The following TACR2 variants were observed in gnomAD, a reference collection of about 807,000 sequenced individuals.
TACR2 encodes the protein tachykinin receptor 2, also known as substance-K receptor.
A neutral mutation model predicts 28.9 loss-of-function variants in TACR2; 24 were observed. The ratio of observed to expected loss-of-function variants is 0.83; its 90% CI spans 0.60 to 1.17. The LOEUF (loss-of-function observed/expected upper bound fraction) is 1.17. Ranked by LOEUF, TACR2 falls within the 50% of genes most tolerant of loss-of-function variation. The pLI is 0.00. For synonymous variants in TACR2, 222 were observed against 212.6 expected (o/e 1.04, Z -0.38); for missense variants, 487 against 524.4 (o/e 0.93, Z 0.70).
Position 69,414,972 on chromosome 10 carries a change from T to G in TACR2, c.560A>C (p.Glu187Ala). The change falls in exon 2 of 5, where the codon GAA (glutamate) becomes GCA (alanine). Residue 187 changes from glutamate to alanine, a missense_variant. Transcript: ENST00000373306. ...GATKCVVAWP[E>A]DSGGKTLLLY... is the part of the protein sequence containing the mutation. ...GAGGAGCGTCTTGCCCCCGCTGTCT[T>G]CGGGCCAGGCCACCACGCACTTGGT... is the stretch of plus-strand genomic sequence containing the variant. 1 of 1,612,966 alleles carries G rather than the reference T, an allele frequency of 6.2e-7. No homozygotes were observed. Among genetic ancestry groups the G allele is most frequent in the South Asian group, 1.1e-5 (1 of 91,032 alleles).
At position 69,407,083 on chromosome 10, in the gene TACR2, C is replaced by T. The variant is rs1840508087; in HGVS notation, c.938+1G>A. 4 of 1,613,380 alleles carry T rather than the reference C, an allele frequency of 2.5e-6. No homozygotes were observed. Among genetic ancestry groups the T allele is most frequent in the South Asian group, 1.1e-5 (1 of 91,006 alleles). ...AGGGTGGGGCTGGAGTGGGGGCTCACCTGTGGTTGAGACAGCAGTAGATGA... is the reference window on the plus strand; with the variant it reads ...AGGGTGGGGCTGGAGTGGGGGCTCATCTGTGGTTGAGACAGCAGTAGATGA... On this transcript the variant is annotated splice_donor_variant, in intron 4 of 4. Coordinates refer to ENST00000373306, the MANE Select transcript of TACR2 (RefSeq NM_001057.3). LOFTEE classifies it high-confidence loss of function.
rs200013426 is a variant in TACR2 at position 69,414,996 on chromosome 10, G to A, written c.536C>T (p.Thr179Ile). ...TTCGGGCCAGGCCACCACGCACTTG[G>A]TGGCACCCTGGTCCATGGTGACGGT... ...YSTVTMDQGATKCVVAWPEDS... is the reference protein window; with the variant it reads ...YSTVTMDQGAIKCVVAWPEDS... The change falls in exon 2 of 5, where the codon ACC (threonine) becomes ATC (isoleucine). Residue 179 changes from threonine to isoleucine, a missense_variant. Thr to Ile is a moderately conservative substitution (Grantham distance 89, BLOSUM62 -1). Coordinates refer to ENST00000373306, the MANE Select transcript of TACR2 (RefSeq NM_001057.3). 2.5e-6 allele frequency: 4 copies of A among 1,613,708 alleles called. No individual in the cohort carries two copies. In the African/African-American group the frequency reaches 5.3e-5, roughly 22 times the overall value.
At chr10:69,409,904 CATATATATAT>C (rs10663894) in intron 2 of TACR2, among the ~76,000 whole-genome samples, 5 of 34,674 alleles carry the variant, frequency 1.4e-4, no homozygotes, top group South Asian at 1.1e-3. Flanking sequence ...TATATATATA[CATATATATAT>C]ATATATATAT....
rs540034950 is a variant in TACR2, at chr10:69,416,262, G to C, written c.62C>G (p.Thr21Arg). ...GGGCATGGAGAAGGCTGTGATGCCC[G>C]TGGTGTTGCTCTCAGGGCCAGATGA... ...NISSGPESNTTGITAFSMPSW... is the reference protein window; with the variant it reads ...NISSGPESNTRGITAFSMPSW... The change falls in exon 1 of 5, where the codon ACG (threonine) becomes AGG (arginine). Residue 21 changes from threonine (T) to arginine (R), a missense_variant. By Grantham distance (71) the Thr-to-Arg change is moderately conservative. Transcript: ENST00000373306. 3.1e-6 allele frequency: 5 copies of C among 1,612,932 alleles called. No individual in the cohort carries two copies. The East Asian group carries it at 1.1e-4, about 36-fold the overall frequency.
At position 69,407,571 on chromosome 10, in the gene TACR2, C is replaced by A. The variant is rs187510256; in HGVS notation, c.742-291G>T. The stretch of plus-strand genomic sequence containing the variant: ...CACTTCCTACAAAAGGTGTCTGGGA[C>A]CCCTTCATTCACTGCAGCTCCCCCT... On this transcript the variant is annotated intron_variant, in intron 3 of 4. Coordinates refer to ENST00000373306, the MANE Select transcript of TACR2 (RefSeq NM_001057.3). 4.4e-3 allele frequency among the ~76,000 whole-genome samples: 667 copies of A among 152,350 alleles called. 1 individual carries two copies. Among genetic ancestry groups the A allele is most frequent in the Admixed American group, 8.0e-3 (123 of 15,300 alleles).
rs1187429939 is a variant in TACR2, at chr10:69,408,976, C to CT, written c.686_687insA (p.Pro230AlafsTer106). Reference sequence around the variant, plus strand: ...TGGCACCGTGCGCCTGATGTCCGGGCACTGCGCGCCTCCAGAGCGTGAGGC... The same window carrying CT: ...TGGCACCGTGCGCCTGATGTCCGGGCTACTGCGCGCCTCCAGAGCGTGAGGC... On this transcript the variant is annotated frameshift_variant, in exon 3 of 5. Coordinates refer to ENST00000373306, the MANE Select transcript of TACR2 (RefSeq NM_001057.3). LOFTEE classifies it high-confidence loss of function. 1.9e-6 allele frequency: 3 copies of CT among 1,602,016 alleles called. No homozygotes were observed. Among genetic ancestry groups the CT allele is most frequent in the Non-Finnish European group, 2.5e-6 (3 of 1,176,882 alleles).
chr10:69,413,661 C>T (rs1332339762), intron 2 of TACR2, among the ~76,000 whole-genome samples: 1 of 152,098 alleles, frequency 6.6e-6, no homozygotes, highest in African/African-American at 2.4e-5. Flanking sequence ...GCAGCCTTCT[C>T]CTGGCAGGTG....
rs891243261 is a variant in TACR2 at position 69,416,743 on chromosome 10, C to T, written c.-420G>A. ...TAGGACTCGAACCCAGGTTTCTCGT[C>T]ACGTAATTCAGGAAACCTTCCAGAT... On this transcript the variant is annotated 5_prime_UTR_variant, in exon 1 of 5. Coordinates refer to ENST00000373306, the MANE Select transcript of TACR2 (RefSeq NM_001057.3). 1 of 162,958 alleles carries T rather than the reference C, an allele frequency of 6.1e-6. No individual in the cohort carries two copies. Among genetic ancestry groups the T allele is most frequent in the Non-Finnish European group, 1.3e-5 (1 of 74,974 alleles). 10.1% of individuals were successfully genotyped at this position (162,958 alleles called of 1,614,324 possible). A position where few individuals can be genotyped will look rare whatever the true frequency, so the allele number is the denominator to read the frequency against.
chr10:69,405,229 G>A, intron 4 of TACR2, 145 bp from the exon 5 acceptor site: 1 of 650,766 alleles, frequency 1.5e-6, no homozygotes, highest in Non-Finnish European at 2.6e-6. Flanking sequence ...AGGGGCTCTT[G>A]AGAGATGCCT....
intron 3 of TACR2, among the ~76,000 whole-genome samples, chr10:69,407,881 C>G (rs934834296): frequency 1.8e-4 from 27 of 152,232 alleles, no homozygotes; most frequent in Non-Finnish European, 1.5e-5. Flanking sequence ...CTGATCCTCA[C>G]GTAGGATCTG....
Position 69,414,912 on chromosome 10 carries a change from C to G in TACR2, c.587+33G>C, listed in dbSNP as rs774349786. ...ACACACACAGACTCACACACACACA[C>G]TGTTGCCCTCCACAATCCCCCAGAG... is the stretch of plus-strand genomic sequence containing the variant. On this transcript the variant is annotated intron_variant, in intron 2 of 4. Transcript: ENST00000373306. 3 of 1,588,062 alleles carry G rather than the reference C, an allele frequency of 1.9e-6. No individual in the cohort carries two copies. In the Admixed American group the frequency reaches 5.1e-5, roughly 27 times the overall value.
intron 2 of TACR2, among the ~76,000 whole-genome samples, chr10:69,410,168 C>T (rs1480600161): frequency 6.6e-6 from 1 of 151,748 alleles, no homozygotes; most frequent in African/African-American, 2.4e-5. Context: ...GCGTGGCTTC[C>T]TACCCCGTCC....
In TACR2 at chr10:69,408,571, A is replaced by C. The variant is rs184181564; in HGVS notation, c.741+351T>G. Among the ~76,000 whole-genome samples, 1,296 of 151,946 alleles carry C rather than the reference A, an allele frequency of 8.5e-3. 15 individuals are homozygous for C. Among genetic ancestry groups the C allele is most frequent in the African/African-American group, 0.03 (1,226 of 41,418 alleles). ...ATCCTCCCGCCTCTGCCTCCCTGAG[A>C]GCTGGGATTACAGGCGTGAGCCGCC... is the stretch of plus-strand genomic sequence containing the variant. On this transcript the variant is annotated intron_variant, in intron 3 of 4. Transcript: ENST00000373306.
chr10:69,410,437 C>T (rs1051801690), intron 2 of TACR2, among the ~76,000 whole-genome samples: 11 of 150,690 alleles, frequency 7.3e-5, no homozygotes, highest in Non-Finnish European at 1.6e-4. Flanking sequence ...AAGAGGTTCA[C>T]TTGAGCCCAG....
At chr10:69,409,863 ATG>A (rs1178522505) in intron 2 of TACR2, among the ~76,000 whole-genome samples, 1 of 58,668 alleles carries the variant, frequency 1.7e-5, no homozygotes, top group African/African-American at 9.5e-5. Context: ...GTATATGTAT[ATG>A]TATATATATA....
rs61732393 is a variant in TACR2, at chr10:69,405,055, C to T, written c.968G>A (p.Arg323His). 3,428 of 1,613,734 alleles carry T rather than the reference C, an allele frequency of 2.1e-3. 33 individuals carry two copies. The highest frequency in any genetic ancestry group is 0.013 in the South Asian group (1,191 of 91,044). Reference sequence around the variant, plus strand: ...GGTGGGTGTGACCCATGGGCAGCAGCGGAAGGCAAGCCGGAATCCAGAGCG... The same window carrying T: ...GGTGGGTGTGACCCATGGGCAGCAGTGGAAGGCAAGCCGGAATCCAGAGCG... ...RFRSGFRLAF[R>H]CCPWVTPTKE... The change falls in exon 5 of 5, where the codon CGC becomes CAC. Residue 323 changes from arginine to histidine, a missense_variant. Physicochemically the swap from Arg to His is conservative, Grantham distance 29. Coordinates refer to ENST00000373306, the MANE Select transcript of TACR2 (RefSeq NM_001057.3).
Position 69,414,965 on chromosome 10 carries a change from G to C in TACR2, c.567C>G (p.Ser189Arg). The change falls in exon 2 of 5, where the codon AGC becomes AGG. Residue 189 changes from serine to arginine, a missense_variant. Ser to Arg is a moderately radical substitution (Grantham distance 110). Coordinates refer to ENST00000373306, the MANE Select transcript of TACR2 (RefSeq NM_001057.3). ...TKCVVAWPED[S>R]GGKTLLLYHL... ...CTTACAGGAGGAGCGTCTTGCCCCC[G>C]CTGTCTTCGGGCCAGGCCACCACGC... The C allele has an allele frequency of 1.2e-6, 2 of 1,612,286 alleles. No individual in the cohort carries two copies. The highest frequency in any genetic ancestry group is 4.5e-5 in the East Asian group (2 of 44,834).
chr10:69,411,878 C>A (rs979818639), intron 2 of TACR2, among the ~76,000 whole-genome samples: 6 of 152,222 alleles, frequency 3.9e-5, no homozygotes, highest in Admixed American at 6.5e-5. Flanking sequence ...GTTGCCCAGG[C>A]TGGAGTGCAA....
rs776729497 is a variant in TACR2 at position 69,404,992 on chromosome 10, A to C, written c.1031T>G (p.Leu344Arg). The C allele has an allele frequency of 6.2e-7, 1 of 1,614,086 alleles. No individual in the cohort carries two copies. The highest frequency in any genetic ancestry group is 2.2e-5 in the East Asian group (1 of 44,878). ...GTGACACCTGTTGACTCTCGTGGAG[A>C]GGGAGGTCGTGGGAGTCAGCTCGAG... ...DKLELTPTTS[L>R]STRVNRCHTK... is the part of the protein sequence containing the mutation. The change falls in exon 5 of 5, where the codon CTC becomes CGC. Residue 344 changes from leucine (L) to arginine (R), a missense_variant. By Grantham distance (102) the Leu-to-Arg change is moderately radical. Transcript: ENST00000373306.
Sources: gnomAD v4.1 joint callset for allele counts (sites outside exome capture counted in the v4.1 genomes callset) on GRCh38, gnomAD v4.1.1 for gene constraint, MANE v1.5 for transcripts, NCBI Gene and HGNC (gene_info 2026-07-23, HGNC 2026-07-21) for gene names.